The following KLHL25 variants were observed in gnomAD, a reference collection of about 807,000 sequenced individuals.
KLHL25 encodes kelch-like protein 25.
In KLHL25, 41 loss-of-function variants were observed where a neutral mutation model predicts 30.0. The ratio of observed to expected loss-of-function variants is 1.37; its 90% CI spans 1.07 to 1.78. The LOEUF (loss-of-function observed/expected upper bound fraction) is 1.78. Among genes scored for constraint, KLHL25 ranks in the 40% most tolerant of loss-of-function variants. The pLI, the probability that KLHL25 is intolerant of heterozygous loss-of-function variation, is 0.00. For synonymous variants in KLHL25, 399 were observed against 355.3 expected (o/e 1.12, Z -1.38); for missense variants, 971 against 824.5 (o/e 1.18, Z -2.18).
rs759152707 is a variant in KLHL25, at chr15:85,768,456, G to C, written c.1355C>G (p.Thr452Ser). 2 of 1,613,360 alleles carry C rather than the reference G, an allele frequency of 1.2e-6. No individual in the cohort carries two copies. Among genetic ancestry groups the C allele is most frequent in the African/African-American group, 2.7e-5 (2 of 74,928 alleles). The change falls in exon 2 of 3, where the codon ACC becomes AGC. Residue 452 changes from threonine (T) to serine (S), a missense_variant. By Grantham distance (58) the Thr-to-Ser change is moderately conservative. Transcript: ENST00000337975. ...AKLKLFVFGG[T>S]SIHRDMVSKV... The stretch of plus-strand genomic sequence containing the variant: ...GGACACCATGTCCCGGTGGATGCTG[G>C]TTCCTCCGAAAACAAAGAGCTTCAG...
chr15:85,790,125 T>G (rs143230141), intron 1 of KLHL25, among the ~76,000 whole-genome samples: 3,810 of 152,254 alleles, frequency 0.025, 74 homozygotes, highest in Non-Finnish European at 0.034. Context: ...GTTTCGCTCT[T>G]GTCACCCAGG....
chr15:85,768,833 C>T lies in KLHL25; in HGVS notation c.978G>A (p.Leu326=), dbSNP rs1407767360. 1 of 1,613,372 alleles carries T rather than the reference C, an allele frequency of 6.2e-7. No homozygotes were observed. Among genetic ancestry groups the T allele is most frequent in the Non-Finnish European group, 8.5e-7 (1 of 1,180,042 alleles). The change falls in exon 2 of 3, where the codon CTG becomes CTA. Residue 326 remains leucine (L), a synonymous_variant. Coordinates refer to ENST00000337975, the MANE Select transcript of KLHL25 (RefSeq NM_022480.4). ...CGCTGAACTCCTTCCGGGGGCTGGG[C>T]AGGTCGGCCTTGGGGATGATCTCCT... ...KAKEIIPKAD[L]PSPRKEFSAS...
In KLHL25 at chr15:85,769,429, G is replaced by A. The variant is rs1281617677; in HGVS notation, c.382C>T (p.Gln128Ter). The change falls in exon 2 of 3, where the codon CAG (glutamine) becomes TAG (stop). Residue 128 changes from glutamine (Q) to a stop codon, truncating the protein, a stop_gained. Transcript: ENST00000337975. LOFTEE classifies it high-confidence loss of function. ...ESLLEAGDML[Q>*]FHDVRDAAAE... is the part of the protein sequence containing the mutation. Reference sequence around the variant, plus strand: ...GCAGCATCCCGCACATCGTGGAACTGCAGCATGTCGCCTGCCTCCAGCAGT... The same window carrying A: ...GCAGCATCCCGCACATCGTGGAACTACAGCATGTCGCCTGCCTCCAGCAGT... 2 of 1,614,024 alleles carry A rather than the reference G, an allele frequency of 1.2e-6. No individual in the cohort carries two copies. The highest frequency in any genetic ancestry group is 1.7e-5 in the Admixed American group (1 of 59,990).
intron 1 of KLHL25, among the ~76,000 whole-genome samples, chr15:85,779,816 G>C (rs1316333282): frequency 6.6e-6 from 1 of 152,176 alleles, no homozygotes; most frequent in Non-Finnish European, 1.5e-5. Context: ...AAATTGTAAT[G>C]TCTGTGGAAA....
intron 2 of KLHL25, chr15:85,762,025 A>G (rs1282355987): frequency 1.3e-5 from 2 of 152,212 alleles, no homozygotes; most frequent in African/African-American, 4.8e-5. Context: ...CATCCCACAC[A>G]GTGCTGGGCC....
In KLHL25 at chr15:85,793,801, C is replaced by G. The variant is rs1464081357; in HGVS notation, c.-11+965G>C. ...CCGAGGAGAGTCAAAGTCCAGCCCGCCTTCCCCAAGGTCAAATTCACCGGG... is the reference window on the plus strand; with the variant it reads ...CCGAGGAGAGTCAAAGTCCAGCCCGGCTTCCCCAAGGTCAAATTCACCGGG... On this transcript the variant is annotated intron_variant, in intron 1 of 2. Coordinates refer to ENST00000337975, the MANE Select transcript of KLHL25 (RefSeq NM_022480.4). 3.9e-5 allele frequency among the ~76,000 whole-genome samples: 6 copies of G among 152,226 alleles called. No homozygotes were observed. In the East Asian group the frequency reaches 5.8e-4, roughly 15 times the overall value.
At chr15:85,786,999 C>G (rs1479300576) in intron 1 of KLHL25, among the ~76,000 whole-genome samples, 1 of 152,072 alleles carries the variant, frequency 6.6e-6, no homozygotes, top group African/African-American at 2.4e-5. Flanking sequence ...AGAGGCAGAA[C>G]CAGCACTCAA....
intron 1 of KLHL25, among the ~76,000 whole-genome samples, chr15:85,793,217 T>C (rs1221201701): frequency 1.3e-5 from 2 of 152,194 alleles, no homozygotes; most frequent in Admixed American, 6.5e-5. Context: ...GCTTCCGATG[T>C]GGAGCATGCA....
chr15:85,790,043 A>C (rs988408744), intron 1 of KLHL25, among the ~76,000 whole-genome samples: 6 of 152,226 alleles, frequency 3.9e-5, no homozygotes, highest in African/African-American at 1.4e-4. Context: ...CAATTCCCAC[A>C]GCACACATCC....
chr15:85,772,163 T>C (rs755248179), intron 1 of KLHL25, among the ~76,000 whole-genome samples: 2 of 152,024 alleles, frequency 1.3e-5, no homozygotes, highest in African/African-American at 4.8e-5. Context: ...GAGGCATTTG[T>C]TGCCTCTGGT....
chr15:85,779,045 A>AC (rs1555470470), intron 1 of KLHL25, among the ~76,000 whole-genome samples: 105 of 141,896 alleles, frequency 7.4e-4, no homozygotes, highest in Admixed American at 1.4e-3. Flanking sequence ...CTCACCAACA[A>AC]TTTTTTTTTT....
rs575529307 is a variant in KLHL25 at position 85,768,290 on chromosome 15, C to A, written c.1521G>T (p.Ser507=). The A allele has an allele frequency of 1.9e-6, 3 of 1,614,020 alleles. No individual in the cohort carries two copies. Among genetic ancestry groups the A allele is most frequent in the Admixed American group, 3.3e-5 (2 of 60,034 alleles). ...MGGDTEFTAA[S]AYRFDCETNQ... ...TGGTCTCACAGTCAAAGCGGTAGGCCGAGGCGGCTGTGAATTCCGTGTCAC... is the reference window on the plus strand; with the variant it reads ...TGGTCTCACAGTCAAAGCGGTAGGCAGAGGCGGCTGTGAATTCCGTGTCAC... Residue 507 remains serine, a synonymous_variant, in exon 2 of 3, where the codon TCG becomes TCT. Transcript: ENST00000337975.
intron 1 of KLHL25, among the ~76,000 whole-genome samples, chr15:85,779,691 T>C (rs2151811007): frequency 6.6e-6 from 1 of 152,366 alleles, no homozygotes; most frequent in East Asian, 1.9e-4. Flanking sequence ...TTTCCTATTC[T>C]GCCCTCACTA....
At chr15:85,788,108 G>A (rs1427549806) in intron 1 of KLHL25, among the ~76,000 whole-genome samples, 10 of 138,824 alleles carry the variant, frequency 7.2e-5, no homozygotes, top group African/African-American at 2.4e-4. Flanking sequence ...ATTTAAATCA[G>A]AGAAAAACAA....
intron 1 of KLHL25, among the ~76,000 whole-genome samples, chr15:85,790,051 T>A (rs559288679): frequency 1.3e-5 from 2 of 152,162 alleles, no homozygotes; most frequent in East Asian, 1.9e-4. Context: ...ACAGCACACA[T>A]CCAAGGCAGA....
rs879067859 is a variant in KLHL25 at position 85,768,351 on chromosome 15, G to A, written c.1460C>T (p.Ala487Val). ...GAAGATCTGGCTGCCCAGGACGGCA[G>A]CGGCTGTGTACCGCCAAGGCTGGGG... The part of the protein sequence containing the change: ...ECPQPWRYTA[A>V]AVLGSQIFIM... The change falls in exon 2 of 3, where the codon GCT (alanine) becomes GTT (valine). Residue 487 changes from alanine (A) to valine (V), a missense_variant. By Grantham distance (64) the Ala-to-Val change is moderately conservative. Transcript: ENST00000337975. The A allele has an allele frequency of 1.2e-6, 2 of 1,613,812 alleles. No homozygotes were observed. Among genetic ancestry groups the A allele is most frequent in the South Asian group, 1.1e-5 (1 of 91,084 alleles).
rs192769588 is a variant in KLHL25 at position 85,768,009 on chromosome 15, G to T, written c.*24+8C>A. ...ACCCAGAGTGGCCGTGGGCTGCCAGGGACTCACCTGGCTGGGCTCAGCAGG... is the reference window on the plus strand; with the variant it reads ...ACCCAGAGTGGCCGTGGGCTGCCAGTGACTCACCTGGCTGGGCTCAGCAGG... On this transcript the variant is annotated splice_region_variant and intron_variant, in intron 2 of 2. Transcript: ENST00000337975. 4.6e-3 allele frequency: 7,218 copies of T among 1,575,490 alleles called. 45 individuals carry two copies. Among genetic ancestry groups the T allele is most frequent in the Non-Finnish European group, 4.3e-3 (4,964 of 1,153,612 alleles).
At chr15:85,783,870 G>A (rs898850646) in intron 1 of KLHL25, among the ~76,000 whole-genome samples, 2 of 152,126 alleles carry the variant, frequency 1.3e-5, no homozygotes. Flanking sequence ...CACTGCCATT[G>A]CTACCTGTAA....
chr15:85,776,042 G>A lies in KLHL25; in HGVS notation c.-10-6222C>T, dbSNP rs557584768. On this transcript the variant is annotated intron_variant, in intron 1 of 2. Coordinates refer to ENST00000337975, the MANE Select transcript of KLHL25 (RefSeq NM_022480.4). ...CAAAAAATTACCCGGGCATGTTGGC[G>A]TGTGCCTGTAGTCCCAGCTACTCGG... 5.9e-5 allele frequency among the ~76,000 whole-genome samples: 9 copies of A among 151,472 alleles called. No individual in the cohort carries two copies. In the South Asian group the frequency reaches 1.0e-3, roughly 18 times the overall value.
Sources: gnomAD v4.1 joint callset for allele counts (sites outside exome capture counted in the v4.1 genomes callset) on GRCh38, gnomAD v4.1.1 for gene constraint, MANE v1.5 for transcripts, NCBI Gene and HGNC (gene_info 2026-07-23, HGNC 2026-07-21) for gene names.